The following SLC9A8 variants were observed in gnomAD, a reference collection of about 807,000 sequenced individuals.
The protein encoded by SLC9A8 is solute carrier family 9 member A8.
Under a neutral mutation model 66.6 loss-of-function variants are expected in SLC9A8, and 48 were observed. That is an observed-to-expected ratio of 0.72 (90% CI 0.57 to 0.92). The LOEUF is 0.92. Among genes scored for constraint, SLC9A8 ranks in the 40% least tolerant of loss-of-function variants. SLC9A8 has a pLI of 0.00. For missense variants in SLC9A8, 599 were observed against 747.3 expected, an observed-to-expected ratio of 0.80 and a Z score of 2.31; for synonymous variants, 274 against 282.6, an observed-to-expected ratio of 0.97 and a Z score of 0.31.
intron 3 of SLC9A8, 82 bp downstream of exon 3, chr20:49,823,223 A>T: frequency 2.0e-6 from 2 of 984,934 alleles, no homozygotes; most frequent in Admixed American, 1.8e-5. Context: ...GCCAGGAACC[A>T]CAAGAGATGC....
intron 5 of SLC9A8, among the ~76,000 whole-genome samples, chr20:49,848,225 A>G (rs774747971): frequency 6.6e-6 from 1 of 152,206 alleles, no homozygotes; most frequent in Non-Finnish European, 1.5e-5. Flanking sequence ...AGCCCAGTCT[A>G]ATCTGTTTTT....
chr20:49,818,291 A>T (rs1052293094), intron 2 of SLC9A8, among the ~76,000 whole-genome samples: 1 of 152,172 alleles, frequency 6.6e-6, no homozygotes, highest in African/African-American at 2.4e-5. Context: ...CTCTAGAGTC[A>T]CACCAATGTT....
chr20:49,873,950 T>C (rs1270415235), intron 10 of SLC9A8, among the ~76,000 whole-genome samples: 1 of 151,600 alleles, frequency 6.6e-6, no homozygotes, highest in Non-Finnish European at 1.5e-5. Context: ...TCAAGTTCCT[T>C]ATACAAACGG....
chr20:49,880,702 A>G (rs1052328325), intron 12 of SLC9A8, among the ~76,000 whole-genome samples: 1 of 152,200 alleles, frequency 6.6e-6, no homozygotes, highest in Non-Finnish European at 1.5e-5. Flanking sequence ...AAGGTAACGT[A>G]CAAAGCTTTA....
chr20:49,842,782 G>A (rs1299794459), intron 4 of SLC9A8, among the ~76,000 whole-genome samples: 1 of 152,234 alleles, frequency 6.6e-6, no homozygotes, highest in African/African-American at 2.4e-5. Context: ...AAACAACAGA[G>A]ATTTGTTTTC....
intron 10 of SLC9A8, among the ~76,000 whole-genome samples, chr20:49,865,100 G>C (rs537199269): frequency 1.3e-5 from 2 of 152,330 alleles, no homozygotes; most frequent in South Asian, 4.2e-4. Flanking sequence ...TAGCCCATCA[G>C]TCCTGTGAGG....
intron 13 of SLC9A8, 90 bp downstream of exon 13, chr20:49,881,125 T>A: frequency 1.1e-6 from 1 of 901,386 alleles, no homozygotes. Flanking sequence ...GCTAGCGCCC[T>A]TGGCAAAACC....
chr20:49,843,664 T>C (rs1009527741), intron 4 of SLC9A8, among the ~76,000 whole-genome samples: 1 of 152,212 alleles, frequency 6.6e-6, no homozygotes, highest in African/African-American at 2.4e-5. Flanking sequence ...ATTAATAATA[T>C]AGAAAATGAA....
At chr20:49,875,741 CT>C (rs879638170) in intron 11 of SLC9A8, among the ~76,000 whole-genome samples, 42 of 146,316 alleles carry the variant, frequency 2.9e-4, no homozygotes, top group Admixed American at 4.1e-4. Flanking sequence ...GGACTTGTCT[CT>C]TTTTTTTTTT....
chr20:49,887,524 C>T (rs910784681), intron 15 of SLC9A8, among the ~76,000 whole-genome samples: 2 of 152,146 alleles, frequency 1.3e-5, no homozygotes, highest in Admixed American at 6.5e-5. Context: ...GCAGTAACCC[C>T]GCAAGGTCAC....
At chr20:49,837,196 C>T (rs1600687643) in intron 3 of SLC9A8, among the ~76,000 whole-genome samples, 1 of 152,296 alleles carries the variant, frequency 6.6e-6, no homozygotes, top group Non-Finnish European at 1.5e-5. Flanking sequence ...TTCTAGTTGT[C>T]CCACCTTTCC....
At chr20:49,815,998 G>T (rs2146434159) in intron 2 of SLC9A8, among the ~76,000 whole-genome samples, 1 of 152,290 alleles carries the variant, frequency 6.6e-6, no homozygotes, top group Non-Finnish European at 1.5e-5. Flanking sequence ...CCTTGCCCCA[G>T]CACCCTGTTT....
chr20:49,818,770 C>T (rs190133555), intron 2 of SLC9A8, among the ~76,000 whole-genome samples: 23 of 152,210 alleles, frequency 1.5e-4, no homozygotes, highest in African/African-American at 5.5e-4. Context: ...GGATTATAGG[C>T]ATGAGCCACC....
At chr20:49,825,252 T>A (rs868517794) in intron 3 of SLC9A8, among the ~76,000 whole-genome samples, 1 of 152,202 alleles carries the variant, frequency 6.6e-6, no homozygotes, top group African/African-American at 2.4e-5. Context: ...ATCTATTGTT[T>A]AAGCCATTTT....
chr20:49,858,772 A>G (rs1221517375), intron 8 of SLC9A8, among the ~76,000 whole-genome samples: 1 of 152,044 alleles, frequency 6.6e-6, no homozygotes, highest in Non-Finnish European at 1.5e-5. Context: ...AGCCTTGCCA[A>G]CGTGGTGAAA....
At chr20:49,831,082 C>CT in intron 3 of SLC9A8, 1 of 667,356 alleles carries the variant, frequency 1.5e-6, no homozygotes, top group Non-Finnish European at 2.8e-6. Flanking sequence ...CCTGCATACA[C>CT]TAAGCCGTCG....
chr20:49,831,913 C>T (rs6067245), intron 3 of SLC9A8, among the ~76,000 whole-genome samples: 13,117 of 152,214 alleles, frequency 0.086, 673 homozygotes, highest in Middle Eastern at 0.12. Flanking sequence ...CTTGCCCCGC[C>T]CTGGGCTGTT....
At chr20:49,820,712 A>T (rs1350924956) in intron 2 of SLC9A8, among the ~76,000 whole-genome samples, 1 of 151,294 alleles carries the variant, frequency 6.6e-6, no homozygotes, top group Non-Finnish European at 1.5e-5. Flanking sequence ...CACCCTGCTA[A>T]TTTTTGTATT....
intron 2 of SLC9A8, among the ~76,000 whole-genome samples, chr20:49,822,449 T>C (rs1460534650): frequency 1.3e-5 from 2 of 152,206 alleles, no homozygotes; most frequent in East Asian, 1.9e-4. Context: ...AAAATTTGAA[T>C]AATTTTAAAT....
Sources: gnomAD v4.1 joint callset for allele counts (sites outside exome capture counted in the v4.1 genomes callset) on GRCh38, gnomAD v4.1.1 for gene constraint, MANE v1.5 for transcripts, NCBI Gene and HGNC (gene_info 2026-07-23, HGNC 2026-07-21) for gene names.